Variants in AHI1 observed in about 807,000 individuals in gnomAD.
AHI1 encodes Abelson helper integration site 1.
AHI1 carries 123 observed loss-of-function variants against 149.3 expected under a neutral mutation model. That is an observed-to-expected ratio of 0.82 (90% CI 0.71 to 0.96). The LOEUF (loss-of-function observed/expected upper bound fraction) is 0.96. Among genes scored for constraint, AHI1 ranks in the 40% least tolerant of loss-of-function variants. AHI1 has a pLI of 0.00. For missense variants in AHI1, 1,439 were observed against 1,422.7 expected (o/e 1.01, Z -0.18); for synonymous variants, 475 against 459.8 (o/e 1.03, Z -0.42).
intron 25 of AHI1, among the ~76,000 whole-genome samples, chr6:135,322,486 T>TTC (rs2128383322): frequency 6.6e-6 from 1 of 152,306 alleles, no homozygotes; most frequent in South Asian, 2.1e-4. Context: ...TCTTTTTTTT[T>TTC]TCATTTTAAG....
intron 24 of AHI1, among the ~76,000 whole-genome samples, chr6:135,343,674 C>T (rs1489632892): frequency 6.6e-6 from 1 of 150,592 alleles, no homozygotes; most frequent in Non-Finnish European, 1.5e-5. Flanking sequence ...AACAAAAAAC[C>T]CCCACTTTTT....
At chr6:135,307,691 A>G (rs1041378552) in intron 26 of AHI1, among the ~76,000 whole-genome samples, 8 of 151,162 alleles carry the variant, frequency 5.3e-5, no homozygotes, top group Non-Finnish European at 8.9e-5. Flanking sequence ...TATAATATGT[A>G]ATTCCTTTAA....
At chr6:135,452,709 C>T (rs1456627408) in intron 11 of AHI1, among the ~76,000 whole-genome samples, 1 of 152,054 alleles carries the variant, frequency 6.6e-6, no homozygotes, top group African/African-American at 2.4e-5. Flanking sequence ...CCTCTTCATG[C>T]ACCATTCTTC....
At chr6:135,382,502 T>G (rs1776903965) in intron 23 of AHI1, among the ~76,000 whole-genome samples, 1 of 152,190 alleles carries the variant, frequency 6.6e-6, no homozygotes, top group African/African-American at 2.4e-5. Context: ...GTAAATTCTA[T>G]TATATCACAG....
At chr6:135,359,887 T>A (rs1333711066) in intron 23 of AHI1, among the ~76,000 whole-genome samples, 1 of 152,020 alleles carries the variant, frequency 6.6e-6, no homozygotes, top group Non-Finnish European at 1.5e-5. Context: ...GTTTATACAA[T>A]ACCAAGAAAA....
chr6:135,490,202 T>C (rs1795056999), intron 5 of AHI1: 4 of 725,540 alleles, frequency 5.5e-6, no homozygotes, highest in Non-Finnish European at 1.0e-5. Context: ...ATTATTACCA[T>C]ACGGCCATTG....
At chr6:135,411,319 A>G (rs1160450830) in intron 21 of AHI1, 29 bp downstream of exon 21, 3 of 1,559,048 alleles carry the variant, frequency 1.9e-6, no homozygotes, top group African/African-American at 2.7e-5. Context: ...AAATAGTTTT[A>G]AAGTTTCAAC....
At chr6:135,466,464 A>T in intron 6 of AHI1, 91 bp from the exon 7 acceptor site, 2 of 1,165,742 alleles carry the variant, frequency 1.7e-6, no homozygotes, top group South Asian at 1.5e-5. Context: ...GACAATGTGG[A>T]ATTATTGGGA....
chr6:135,407,973 T>C (rs894570413), intron 21 of AHI1, among the ~76,000 whole-genome samples: 8 of 151,894 alleles, frequency 5.3e-5, no homozygotes, highest in African/African-American at 1.9e-4. Flanking sequence ...AGGCAGAGCT[T>C]GCAGTGAGCT....
At chr6:135,420,608 C>T (rs994500235) in intron 20 of AHI1, among the ~76,000 whole-genome samples, 6 of 152,146 alleles carry the variant, frequency 3.9e-5, no homozygotes, top group Non-Finnish European at 4.4e-5. Context: ...GAATGAGCCG[C>T]TGCTAGTTTC....
chr6:135,372,634 TG>T (rs1775244522), intron 23 of AHI1, among the ~76,000 whole-genome samples: 2 of 152,182 alleles, frequency 1.3e-5, no homozygotes, highest in Admixed American at 6.5e-5. Context: ...GAGCTATGGT[TG>T]CACCACTGCA....
At chr6:135,400,206 A>G (rs1431723529) in intron 22 of AHI1, among the ~76,000 whole-genome samples, 1 of 152,204 alleles carries the variant, frequency 6.6e-6, no homozygotes, top group Non-Finnish European at 1.5e-5. Flanking sequence ...AATAATTGAA[A>G]AACACTATTC....
intron 24 of AHI1, among the ~76,000 whole-genome samples, chr6:135,329,311 C>G (rs1788180745): frequency 6.6e-6 from 1 of 152,190 alleles, no homozygotes; most frequent in Non-Finnish European, 1.5e-5. Context: ...AAAGAACAGG[C>G]TGACTCTCCT....
intron 23 of AHI1, among the ~76,000 whole-genome samples, chr6:135,372,360 A>T (rs1775190756): frequency 6.6e-6 from 1 of 152,252 alleles, no homozygotes; most frequent in Middle Eastern, 3.4e-3. Flanking sequence ...ATTAAACCAA[A>T]ACAAACAAAA....
At chr6:135,303,702 C>T (rs1009508797) in intron 26 of AHI1, among the ~76,000 whole-genome samples, 2 of 152,138 alleles carry the variant, frequency 1.3e-5, no homozygotes, top group African/African-American at 4.8e-5. Flanking sequence ...TAGTGTTTTT[C>T]AAACTGATTT....
intron 26 of AHI1, among the ~76,000 whole-genome samples, chr6:135,315,763 C>A (rs1785851985): frequency 6.6e-6 from 1 of 152,154 alleles, no homozygotes; most frequent in Non-Finnish European, 1.5e-5. Flanking sequence ...GGTTATTATT[C>A]TTCTTGTGCT....
chr6:135,319,909 ACTT>A lies in AHI1; in HGVS notation c.3329-1296_3329-1294del, dbSNP rs542342709. The stretch of plus-strand genomic sequence containing the variant: ...GTTCCTTGTAACAGTGGGAGTACGA[ACTT>A]CTTTTATTGTGTTGTTCTCTTAGAG... On this transcript the variant is annotated intron_variant, in intron 25 of 28. Transcript: ENST00000265602. Among the ~76,000 whole-genome samples the A allele has an allele frequency of 4.3e-3, 658 of 152,274 alleles. 1 individual carries two copies. The highest frequency in any genetic ancestry group is 0.015 in the African/African-American group (633 of 41,548).
At chr6:135,292,199 G>A (rs1782448253) in intron 27 of AHI1, among the ~76,000 whole-genome samples, 1 of 151,970 alleles carries the variant, frequency 6.6e-6, no homozygotes, top group South Asian at 2.1e-4. Context: ...CCCAGGCACT[G>A]CCCTACTTTT....
intron 23 of AHI1, among the ~76,000 whole-genome samples, chr6:135,381,973 T>C (rs1274329618): frequency 1.3e-5 from 2 of 152,234 alleles, no homozygotes; most frequent in Non-Finnish European, 2.9e-5. Context: ...ACAGTTTTCA[T>C]TAGAGTACTT....
Sources: allele counts gnomAD v4.1 joint callset (sites outside exome capture counted in the v4.1 genomes callset), GRCh38; gene constraint gnomAD v4.1.1; transcripts MANE v1.5; gene names NCBI Gene and HGNC (gene_info 2026-07-23, HGNC 2026-07-21).